The following NECAB1 variants were observed in gnomAD, a reference collection of about 807,000 sequenced individuals.
The protein encoded by NECAB1 is N-terminal EF-hand calcium binding protein 1.
A neutral mutation model predicts 57.5 loss-of-function variants in NECAB1; 29 were observed. The observed-to-expected ratio is 0.50, with a 90% confidence interval of 0.38 to 0.69. The LOEUF (loss-of-function observed/expected upper bound fraction) is 0.69. NECAB1 is among the 30% of genes least tolerant of loss of function. The pLI, the probability that NECAB1 is intolerant of heterozygous loss-of-function variation, is 0.00. For synonymous variants in NECAB1, 142 were observed against 147.7 expected, an observed-to-expected ratio of 0.96 and a Z score of 0.28; for missense variants, 372 against 413.8, an observed-to-expected ratio of 0.90 and a Z score of 0.88.
chr8:90,874,777 A>G (rs1392261343), intron 4 of NECAB1, among the ~76,000 whole-genome samples: 1 of 152,176 alleles, frequency 6.6e-6, no homozygotes. Flanking sequence ...ATATTCTCAT[A>G]TACATTATTC....
At chr8:90,883,503 A>G (rs1441641245) in intron 5 of NECAB1, among the ~76,000 whole-genome samples, 1 of 152,170 alleles carries the variant, frequency 6.6e-6, no homozygotes, top group Non-Finnish European at 1.5e-5. Flanking sequence ...GAAAAATGAA[A>G]TACAAGCCTT....
At chr8:90,858,223 A>T (rs1435582262) in intron 3 of NECAB1, among the ~76,000 whole-genome samples, 1 of 152,228 alleles carries the variant, frequency 6.6e-6, no homozygotes, top group Non-Finnish European at 1.5e-5. Context: ...TGATAATAAA[A>T]TATCAAAGGC....
chr8:90,861,601 A>G (rs569354401), intron 3 of NECAB1, among the ~76,000 whole-genome samples: 2 of 152,328 alleles, frequency 1.3e-5, no homozygotes, highest in Admixed American at 1.3e-4. Flanking sequence ...CTGAAGCATA[A>G]TTATCTAAGT....
intron 3 of NECAB1, among the ~76,000 whole-genome samples, chr8:90,849,261 G>A (rs755462016): frequency 6.6e-6 from 1 of 152,158 alleles, no homozygotes; most frequent in East Asian, 1.9e-4. Context: ...TTGAAGCCAT[G>A]AGTTCAAAAC....
At chr8:90,906,071 G>A (rs768102171) in intron 5 of NECAB1, among the ~76,000 whole-genome samples, 7 of 152,022 alleles carry the variant, frequency 4.6e-5, no homozygotes, top group African/African-American at 1.7e-4. Context: ...GGATATGTGC[G>A]GGTAGATTGG....
At chr8:90,928,439 G>A (rs1246816044) in intron 8 of NECAB1, 140 bp downstream of exon 8, 2 of 576,148 alleles carry the variant, frequency 3.5e-6, no homozygotes, top group Non-Finnish European at 5.6e-6. Flanking sequence ...TGGCTGCTTG[G>A]TAGTTATTTG....
At chr8:90,928,118 C>A in intron 7 of NECAB1, 105 bp from the exon 8 acceptor site, 2 of 827,650 alleles carry the variant, frequency 2.4e-6, no homozygotes, top group Non-Finnish European at 4.0e-6. Context: ...CAGTCAGTGA[C>A]ACTGCATCTT....
intron 12 of NECAB1, among the ~76,000 whole-genome samples, chr8:90,955,135 T>TATATATAC (rs1811007283): frequency 1.5e-5 from 2 of 135,400 alleles, no homozygotes; most frequent in Admixed American, 1.5e-4. Context: ...TATATATATA[T>TATATATAC]ATATATATAT....
chr8:90,896,978 T>C (rs1809366443), intron 5 of NECAB1, among the ~76,000 whole-genome samples: 1 of 152,198 alleles, frequency 6.6e-6, no homozygotes, highest in Admixed American at 6.5e-5. Flanking sequence ...GTGACGTGCG[T>C]CAGGGATAAG....
At position 90,825,518 on chromosome 8, in the gene NECAB1, G is replaced by A. The variant is rs115773929; in HGVS notation, c.233+693G>A. Among the ~76,000 whole-genome samples, 252 of 151,836 alleles carry A rather than the reference G, an allele frequency of 1.7e-3. 1 individual carries two copies. Among genetic ancestry groups the A allele is most frequent in the Middle Eastern group, 6.8e-3 (2 of 294 alleles). ...TTTGTGACAGTCACAGTTACAAAAC[G>A]CTTATATGAAAAACCACCATTTCAA... On this transcript the variant is annotated intron_variant, in intron 3 of 12. Coordinates refer to ENST00000417640, the MANE Select transcript of NECAB1 (RefSeq NM_022351.5).
In NECAB1 at chr8:90,791,799, G is replaced by A. The variant is rs1811576539; in HGVS notation, c.-88G>A. The stretch of plus-strand genomic sequence containing the variant: ...CCTCCCGGATCCAGAGCCCGGCGGC[G>A]GCGAAGCAGCAGCTGCGGCCGCGCC... On this transcript the variant is annotated 5_prime_UTR_variant, in exon 1 of 13. Coordinates refer to ENST00000417640, the MANE Select transcript of NECAB1 (RefSeq NM_022351.5). 1.9e-6 allele frequency: 2 copies of A among 1,064,360 alleles called. No homozygotes were observed. The highest frequency in any genetic ancestry group is 5.5e-5 in the East Asian group (2 of 36,502). The allele number at this position is 1,064,360 out of a possible 1,614,324, so 65.9% of individuals were successfully genotyped here.
At position 90,951,156 on chromosome 8, in the gene NECAB1, G is replaced by A; in HGVS notation, c.982G>A (p.Val328Met). The change falls in exon 12 of 13, where the codon GTG becomes ATG. Residue 328 changes from valine to methionine, a missense_variant. Physicochemically the swap from Val to Met is conservative, Grantham distance 21. Transcript: ENST00000417640. ...NYSKTFQRSN[V>M]DFLETPELTS... Reference sequence around the variant, plus strand: ...TAGCAAGACATTCCAAAGAAGTAATGTGGATTTCTTGGAAACTCCAGAACT... The same window carrying A: ...TAGCAAGACATTCCAAAGAAGTAATATGGATTTCTTGGAAACTCCAGAACT... 1 of 1,603,062 alleles carries A rather than the reference G, an allele frequency of 6.2e-7. No homozygotes were observed. Among genetic ancestry groups the A allele is most frequent in the Non-Finnish European group, 8.5e-7 (1 of 1,174,820 alleles).
At chr8:90,950,875 T>TA (rs1425380729) in intron 11 of NECAB1, among the ~76,000 whole-genome samples, 7 of 152,178 alleles carry the variant, frequency 4.6e-5, no homozygotes, top group Non-Finnish European at 1.0e-4. Flanking sequence ...TTTTATCCTC[T>TA]AAAAAAGTAA....
At chr8:90,810,791 A>G (rs1586035024) in intron 2 of NECAB1, among the ~76,000 whole-genome samples, 1 of 152,112 alleles carries the variant, frequency 6.6e-6, no homozygotes, top group African/African-American at 2.4e-5. Context: ...TTGCACATGG[A>G]TTTGAGAAAA....
chr8:90,843,733 A>G (rs1372041499), intron 3 of NECAB1, among the ~76,000 whole-genome samples: 1 of 152,224 alleles, frequency 6.6e-6, no homozygotes, highest in Non-Finnish European at 1.5e-5. Flanking sequence ...ATCTAGTATC[A>G]TTTTTGGACA....
At chr8:90,912,281 T>C (rs982960631) in intron 5 of NECAB1, among the ~76,000 whole-genome samples, 1 of 152,134 alleles carries the variant, frequency 6.6e-6, no homozygotes, top group Non-Finnish European at 1.5e-5. Context: ...TGTTAGGGTC[T>C]CCTGATATGA....
At chr8:90,820,364 G>A (rs1039381996) in intron 2 of NECAB1, among the ~76,000 whole-genome samples, 2 of 151,864 alleles carry the variant, frequency 1.3e-5, no homozygotes, top group African/African-American at 4.8e-5. Flanking sequence ...ACAAATATAT[G>A]ACATGTAAAG....
intron 10 of NECAB1, among the ~76,000 whole-genome samples, chr8:90,947,299 C>CTAAAA (rs140434479): frequency 0.3 from 38,722 of 129,236 alleles, 6,634 homozygotes; most frequent in East Asian, 0.61. Context: ...GGGCTAACAA[C>CTAAAA]ACATACACAC....
At chr8:90,801,773 A>G (rs1811762789) in intron 2 of NECAB1, 58 bp downstream of exon 2, 1 of 1,128,348 alleles carries the variant, frequency 8.9e-7, no homozygotes, top group South Asian at 1.6e-5. Flanking sequence ...ATATTACCTT[A>G]TAAATAATAA....
Sources: gnomAD v4.1 joint callset for allele counts (sites outside exome capture counted in the v4.1 genomes callset) on GRCh38, gnomAD v4.1.1 for gene constraint, MANE v1.5 for transcripts, NCBI Gene and HGNC (gene_info 2026-07-23, HGNC 2026-07-21) for gene names.